RBM6: variants seen among roughly 807,000 people sequenced by gnomAD.
RBM6 encodes the protein RNA binding motif protein 6.
RBM6 carries 23 observed loss-of-function variants against 140.4 expected under a neutral mutation model. The ratio of observed to expected loss-of-function variants is 0.16; its 90% CI spans 0.12 to 0.23. The LOEUF (loss-of-function observed/expected upper bound fraction) is 0.23. Ranked by LOEUF, RBM6 falls within the 10% of genes least tolerant of loss-of-function variation. The pLI is 1.00. For missense variants in RBM6, 1,139 were observed against 1,386.7 expected, an observed-to-expected ratio of 0.82 and a Z score of 2.84; for synonymous variants, 439 against 475.6, an observed-to-expected ratio of 0.92 and a Z score of 1.00.
At chr3:50,050,563 G>A (rs910520113) in intron 7 of RBM6, among the ~76,000 whole-genome samples, 7 of 152,174 alleles carry the variant, frequency 4.6e-5, no homozygotes, top group Admixed American at 2.6e-4. Context: ...ATGTATCCAG[G>A]AGTGGAATTG....
rs1317628645 is a variant in RBM6, at chr3:49,962,809, G to T, written c.44+124G>T. 9.0e-6 allele frequency: 10 copies of T among 1,108,638 alleles called. No individual in the cohort carries two copies. In the South Asian group the frequency reaches 1.2e-4, roughly 13 times the overall value. 68.7% of individuals were successfully genotyped at this position (1,108,638 alleles called of 1,614,324 possible). A position where few individuals can be genotyped will look rare whatever the true frequency, so the allele number is the denominator to read the frequency against. On this transcript the variant is annotated intron_variant, in intron 2 of 20. Coordinates refer to ENST00000266022, the MANE Select transcript of RBM6 (RefSeq NM_005777.3). ...AATAGTTTCTGATTTTTTAAAAATA[G>T]AAATTTGGCTGGGCGCGGTGGCTCA... is the stretch of plus-strand genomic sequence containing the variant.
At chr3:49,999,375 A>T (rs1002958687) in intron 5 of RBM6, 65 bp from the exon 6 acceptor site, 1 of 1,373,236 alleles carries the variant, frequency 7.3e-7, no homozygotes, top group Non-Finnish European at 1.0e-6. Flanking sequence ...AGGGGATTTA[A>T]GTGTGTCTTT....
chr3:50,024,016 G>C (rs780308179), intron 6 of RBM6, among the ~76,000 whole-genome samples: 8 of 152,118 alleles, frequency 5.3e-5, no homozygotes, highest in Non-Finnish European at 1.0e-4. Flanking sequence ...ATCGTTTGTC[G>C]TAATTTTATG....
chr3:49,975,819 T>C (rs2085039866), intron 5 of RBM6, among the ~76,000 whole-genome samples: 1 of 152,210 alleles, frequency 6.6e-6, no homozygotes, highest in Admixed American at 6.5e-5. Flanking sequence ...ATTAGTGGTT[T>C]AATTTTCAGT....
At chr3:50,042,044 T>C (rs966353216) in intron 6 of RBM6, among the ~76,000 whole-genome samples, 2 of 152,222 alleles carry the variant, frequency 1.3e-5, no homozygotes, top group African/African-American at 4.8e-5. Flanking sequence ...CCATATGCCC[T>C]ATTTGTAAGG....
rs575786374 is a variant in RBM6, at chr3:49,964,784, C to T, written c.44+2099C>T. Reference sequence around the variant, plus strand: ...ATAGAATTAACGTGGTTTAGGTAAGCATTCAGAAATGTTAGGTTAATTTAG... The same window carrying T: ...ATAGAATTAACGTGGTTTAGGTAAGTATTCAGAAATGTTAGGTTAATTTAG... On this transcript the variant is annotated intron_variant, in intron 2 of 20. Coordinates refer to ENST00000266022, the MANE Select transcript of RBM6 (RefSeq NM_005777.3). Among the ~76,000 whole-genome samples, 3 of 152,246 alleles carry T rather than the reference C, an allele frequency of 2.0e-5. No individual in the cohort carries two copies. In the South Asian group the frequency reaches 6.2e-4, roughly 32 times the overall value.
At chr3:50,070,585 T>C in intron 19 of RBM6, 33 bp downstream of exon 19, 2 of 1,505,488 alleles carry the variant, frequency 1.3e-6, no homozygotes, top group Non-Finnish European at 1.8e-6. Context: ...AGCCTAGGCC[T>C]CAAGCCTAAT....
At position 50,059,727 on chromosome 3, in the gene RBM6, C is replaced by G. The variant is rs1310868926; in HGVS notation, c.2209C>G (p.Leu737Val). Residue 737 changes from leucine (L) to valine (V), a missense_variant, in exon 11 of 21, where the codon CTG becomes GTG. By Grantham distance (32) the Leu-to-Val change is conservative. Coordinates refer to ENST00000266022, the MANE Select transcript of RBM6 (RefSeq NM_005777.3). ...SIDGKMVAVN[L>V]ATGKRRNDSG... ...TGATGGGAAGATGGTAGCTGTAAAC[C>G]TGGCCACTGGAAAACGAAGGTAAGG... 6.2e-7 allele frequency: 1 copy of G among 1,613,730 alleles called. No individual in the cohort carries two copies. The highest frequency in any genetic ancestry group is 8.5e-7 in the Non-Finnish European group (1 of 1,179,814).
At chr3:49,940,423 C>T (rs2083232913) in intron 1 of RBM6, 198 bp downstream of exon 1, 1 of 153,512 alleles carries the variant, frequency 6.5e-6, no homozygotes, top group African/African-American at 2.4e-5. Flanking sequence ...AGGAACGCCC[C>T]GGAACCGTCG....
At chr3:50,066,032 T>C (rs995068870) in intron 16 of RBM6, among the ~76,000 whole-genome samples, 2 of 152,244 alleles carry the variant, frequency 1.3e-5, no homozygotes, top group Admixed American at 1.3e-4. Flanking sequence ...GAGTCACTTC[T>C]AAAGGAATCT....
At chr3:50,042,324 T>C (rs1355552583) in intron 6 of RBM6, among the ~76,000 whole-genome samples, 3 of 152,238 alleles carry the variant, frequency 2.0e-5, no homozygotes, top group Admixed American at 6.5e-5. Flanking sequence ...GCAATCATTT[T>C]CTCAGTACAA....
chr3:50,041,972 A>C (rs1302267099), intron 6 of RBM6, among the ~76,000 whole-genome samples: 1 of 152,236 alleles, frequency 6.6e-6, no homozygotes, highest in Non-Finnish European at 1.5e-5. Context: ...GACTTTTAGT[A>C]CTGTATGTGT....
At chr3:49,961,478 C>T (rs1315850545) in intron 1 of RBM6, among the ~76,000 whole-genome samples, 3 of 152,002 alleles carry the variant, frequency 2.0e-5, no homozygotes, top group South Asian at 2.1e-4. Context: ...CCACCGTGCC[C>T]GACCCCAGAG....
chr3:49,958,751 A>G (rs1166864040), intron 1 of RBM6, among the ~76,000 whole-genome samples: 6 of 128,026 alleles, frequency 4.7e-5, no homozygotes, highest in African/African-American at 1.6e-4. Flanking sequence ...ACTCCATTTC[A>G]AAAAAAAAAA....
intron 3 of RBM6, among the ~76,000 whole-genome samples, chr3:49,971,190 T>TGGGAGGCAGAGGTTGTG (rs1553640972): frequency 6.9e-6 from 1 of 145,868 alleles, no homozygotes; most frequent in Non-Finnish European, 1.5e-5. Flanking sequence ...CCCTTGAACC[T>TGGGAGGCAGAGGTTGTG]GGGAGGCAGA....
intron 1 of RBM6, among the ~76,000 whole-genome samples, chr3:49,950,765 CAG>C (rs763940389): frequency 2.3e-4 from 35 of 149,030 alleles, no homozygotes; most frequent in Non-Finnish European, 3.1e-4. Context: ...AAAAAAAAAA[CAG>C]AAAGAATGAA....
chr3:49,946,566 C>T (rs2083494797), intron 1 of RBM6, among the ~76,000 whole-genome samples: 3 of 151,558 alleles, frequency 2.0e-5, no homozygotes, highest in Admixed American at 1.3e-4. Flanking sequence ...GACAGAGTCT[C>T]ACTCTGTTGC....
chr3:49,958,118 C>G (rs541969514), intron 1 of RBM6, among the ~76,000 whole-genome samples: 30 of 152,142 alleles, frequency 2.0e-4, no homozygotes, highest in Non-Finnish European at 3.8e-4. Flanking sequence ...CATGGCTTCA[C>G]GTCTAGCTTT....
In RBM6 at chr3:50,077,063, G is replaced by A. The variant is rs1157271459; in HGVS notation, c.3302G>A (p.Arg1101Lys). The A allele has an allele frequency of 6.2e-7, 1 of 1,613,182 alleles. No individual in the cohort carries two copies. The highest frequency in any genetic ancestry group is 8.5e-7 in the Non-Finnish European group (1 of 1,179,894). ...GGAGCCTCAGGAAGAACCAGCAAAA[G>A]ACAGTCCAACGAGACTTACCGAGAT... ...SVGASGRTSK[R>K]QSNETYRDAV... The change falls in exon 21 of 21, where the codon AGA becomes AAA. Residue 1101 changes from arginine to lysine, a missense_variant. Coordinates refer to ENST00000266022, the MANE Select transcript of RBM6 (RefSeq NM_005777.3).
Sources: allele counts gnomAD v4.1 joint callset (sites outside exome capture counted in the v4.1 genomes callset), GRCh38; gene constraint gnomAD v4.1.1; transcripts MANE v1.5; gene names NCBI Gene and HGNC (gene_info 2026-07-23, HGNC 2026-07-21).